Variants in CTBP2 observed in about 807,000 individuals in gnomAD.
The protein encoded by CTBP2 is C-terminal binding protein 2.
In CTBP2, 30 loss-of-function variants were observed where a neutral mutation model predicts 80.3. The observed-to-expected ratio is 0.37, with a 90% CI of 0.28 to 0.51. The LOEUF is 0.51. CTBP2 is among the 20% of genes least tolerant of loss of function. The pLI, the probability that CTBP2 is intolerant of heterozygous loss-of-function variation, is 0.93. For synonymous variants in CTBP2, 594 were observed against 587.4 expected (o/e 1.01, Z -0.16); for missense variants, 1,212 against 1,375.3 (o/e 0.88, Z 1.88).
At chr10:125,035,661 C>T (rs563811065) in intron 3 of CTBP2, among the ~76,000 whole-genome samples, 1 of 152,358 alleles carries the variant, frequency 6.6e-6, no homozygotes, top group East Asian at 1.9e-4. Flanking sequence ...CTGCAAGATG[C>T]TCTTCTGGGT....
At position 125,027,685 on chromosome 10, in the gene CTBP2, G is replaced by T. The variant is rs766435118; in HGVS notation, c.75C>A (p.Pro25=). The T allele has an allele frequency of 1.2e-6, 2 of 1,613,870 alleles. No individual in the cohort carries two copies. Among genetic ancestry groups the T allele is most frequent in the Admixed American group, 1.7e-5 (1 of 60,018 alleles). Residue 25 remains proline, a synonymous_variant, in exon 1 of 9, where the codon CCC becomes CCA. Transcript: ENST00000309035. ...GCCGCAGGGACTCGGCGTTCTCCCA[G>T]GGGCCCTCGTACCACCCAGCAGCAT...
chr10:125,151,816 C>A (rs1369792080), intron 1 of CTBP2, among the ~76,000 whole-genome samples: 1 of 152,158 alleles, frequency 6.6e-6, no homozygotes, highest in African/African-American at 2.4e-5. Flanking sequence ...GGCGACCCTG[C>A]TGGCTTGAGG....
At chr10:125,012,641 G>A (rs1270627263) in intron 1 of CTBP2, among the ~76,000 whole-genome samples, 1 of 152,160 alleles carries the variant, frequency 6.6e-6, no homozygotes, top group Admixed American at 6.5e-5. Context: ...ACTAAAAATT[G>A]TTGTTGTTGT....
chr10:124,989,240 T>C lies in CTBP2; in HGVS notation c.*278A>G, dbSNP rs545264564. Reference sequence around the variant, plus strand: ...AAGGGACTGATAAAGGAAAAAGCTCTATTTATTCTTTTTGTGATTTGATGC... The same window carrying C: ...AAGGGACTGATAAAGGAAAAAGCTCCATTTATTCTTTTTGTGATTTGATGC... On this transcript the variant is annotated 3_prime_UTR_variant, in exon 9 of 9. Coordinates refer to ENST00000309035, the MANE Select transcript of CTBP2 (RefSeq NM_022802.3). 15 of 444,092 alleles carry C rather than the reference T, an allele frequency of 3.4e-5. No homozygotes were observed. In the East Asian group the frequency reaches 7.4e-4, roughly 22 times the overall value. The allele number at this position is 444,092 out of a possible 1,614,324, so 27.5% of individuals were successfully genotyped here.
At chr10:125,099,367 G>A (rs1850250665) in intron 2 of CTBP2, among the ~76,000 whole-genome samples, 3 of 152,208 alleles carry the variant, frequency 2.0e-5, no homozygotes, top group Admixed American at 1.3e-4. Flanking sequence ...CCTTTCCGGG[G>A]CAACTGGCTG....
At chr10:125,098,107 C>T (rs956169438) in intron 2 of CTBP2, among the ~76,000 whole-genome samples, 3 of 152,172 alleles carry the variant, frequency 2.0e-5, no homozygotes, top group African/African-American at 7.2e-5. Flanking sequence ...GGCGACAGAG[C>T]GAGACTCTGT....
chr10:125,121,723 C>A (rs959864153), intron 1 of CTBP2, among the ~76,000 whole-genome samples: 2 of 152,202 alleles, frequency 1.3e-5, no homozygotes, highest in Non-Finnish European at 2.9e-5. Context: ...ACGAATACAA[C>A]AACATCTAGA....
chr10:124,989,766 C>T (rs1952339005), intron 8 of CTBP2, 68 bp from the exon 11 acceptor site: 18 of 1,430,776 alleles, frequency 1.3e-5, no homozygotes, highest in Non-Finnish European at 1.6e-5. Context: ...GGCTCTTCTA[C>T]TTCTGGCCTT....
intron 1 of CTBP2, among the ~76,000 whole-genome samples, chr10:125,016,281 C>G (rs1281361273): frequency 6.6e-6 from 1 of 152,192 alleles, no homozygotes; most frequent in Non-Finnish European, 1.5e-5. Context: ...GTGCCACTGC[C>G]AAGTTCCAGG....
chr10:125,137,404 A>G (rs1430937694), intron 1 of CTBP2, among the ~76,000 whole-genome samples: 1 of 152,118 alleles, frequency 6.6e-6, no homozygotes, highest in African/African-American at 2.4e-5. Flanking sequence ...TGTCCTCACC[A>G]TCTTGTCAAC....
chr10:125,156,258 G>A (rs914882143), intron 1 of CTBP2, among the ~76,000 whole-genome samples: 1 of 152,138 alleles, frequency 6.6e-6, no homozygotes, highest in Non-Finnish European at 1.5e-5. Context: ...CAGGACACTA[G>A]GGCTGCTGCT....
At chr10:125,062,281 C>T (rs1283539956) in intron 2 of CTBP2, among the ~76,000 whole-genome samples, 1 of 152,116 alleles carries the variant, frequency 6.6e-6, no homozygotes, top group Non-Finnish European at 1.5e-5. Flanking sequence ...AATGTTAGTC[C>T]TTTTATTTTA....
chr10:125,123,537 G>A (rs1381213253), intron 1 of CTBP2, among the ~76,000 whole-genome samples: 2 of 151,970 alleles, frequency 1.3e-5, no homozygotes, highest in East Asian at 3.8e-4. Flanking sequence ...GTCATTTTTT[G>A]GTTTATGTGG....
At chr10:125,126,489 G>A (rs1855275278) in intron 1 of CTBP2, among the ~76,000 whole-genome samples, 1 of 152,198 alleles carries the variant, frequency 6.6e-6, no homozygotes, top group African/African-American at 2.4e-5. Flanking sequence ...CGCAAGGCCA[G>A]GCCCCACAAA....
chr10:125,008,333 A>G (rs1590036732), intron 1 of CTBP2, among the ~76,000 whole-genome samples: 1 of 152,082 alleles, frequency 6.6e-6, no homozygotes, highest in African/African-American at 2.4e-5. Flanking sequence ...TGCCTGAGTC[A>G]CTCCCTGTTC....
In CTBP2 at chr10:125,071,572, A is replaced by C. The variant is rs548294481; in HGVS notation, c.-101-32417T>G. On this transcript the variant is annotated intron_variant, in intron 2 of 10. Transcript: ENST00000337195. Reference sequence around the variant, plus strand: ...ATGGCAGTAAAAACTTACAAGATGCAAATTAAAACAGAGCTAATGGTGATG... The same window carrying C: ...ATGGCAGTAAAAACTTACAAGATGCCAATTAAAACAGAGCTAATGGTGATG... Among the ~76,000 whole-genome samples the C allele has an allele frequency of 4.6e-5, 7 of 152,346 alleles. No individual in the cohort carries two copies. The East Asian group carries it at 1.3e-3, about 29-fold the overall frequency.
chr10:124,986,283 GCGCGCGCGCACACA>G lies in CTBP2; in HGVS notation c.*3221_*3234del, dbSNP rs1266493274. ...ATTTGGAAAGACGACACACGCACGC[GCGCGCGCGCACACA>G]CACACACACACACACACACACACAC... is the stretch of plus-strand genomic sequence containing the variant. On this transcript the variant is annotated 3_prime_UTR_variant, in exon 9 of 9. Coordinates refer to ENST00000309035, the MANE Select transcript of CTBP2 (RefSeq NM_022802.3). 32 of 45,460 alleles carry G rather than the reference GCGCGCGCGCACACA, an allele frequency of 7.0e-4. No homozygotes were observed. The highest frequency in any genetic ancestry group is 1.6e-3 in the South Asian group (1 of 626). 2.8% of individuals were successfully genotyped at this position (45,460 alleles called of 1,614,324 possible).
chr10:125,121,565 A>T (rs747569830), intron 1 of CTBP2, among the ~76,000 whole-genome samples: 1 of 152,222 alleles, frequency 6.6e-6, no homozygotes, highest in Non-Finnish European at 1.5e-5. Flanking sequence ...TTTCAAGGCT[A>T]TGTATATCAC....
At chr10:125,062,619 T>C (rs1965196214) in intron 2 of CTBP2, among the ~76,000 whole-genome samples, 1 of 152,172 alleles carries the variant, frequency 6.6e-6, no homozygotes, top group Non-Finnish European at 1.5e-5. Context: ...ATCCCAGCAC[T>C]TTGGGAAGCC....
Sources: gnomAD v4.1 joint callset for allele counts (sites outside exome capture counted in the v4.1 genomes callset) on GRCh38, gnomAD v4.1.1 for gene constraint, MANE v1.5 for transcripts, NCBI Gene and HGNC (gene_info 2026-07-23, HGNC 2026-07-21) for gene names.